Variants in HECW1 observed in about 807,000 individuals in gnomAD.
HECW1 encodes the protein E3 ubiquitin-protein ligase HECW1.
A neutral mutation model predicts 182.3 loss-of-function variants in HECW1; 61 were observed. The ratio of observed to expected loss-of-function variants is 0.33; its 90% confidence interval spans 0.27 to 0.41. The LOEUF is 0.41. Among genes scored for constraint, HECW1 ranks in the 10% least tolerant of loss-of-function variants. The pLI, the probability that HECW1 is intolerant of heterozygous loss-of-function variation, is 1.00. For synonymous variants in HECW1, 859 were observed against 832.6 expected (o/e 1.03, Z -0.55); for missense variants, 1,739 against 2,108.9 (o/e 0.82, Z 3.44).
intron 3 of HECW1, among the ~76,000 whole-genome samples, chr7:43,268,787 T>TG (rs1402431563): frequency 6.6e-6 from 1 of 152,152 alleles, no homozygotes; most frequent in African/African-American, 2.4e-5. Context: ...TTTGTTTGTT[T>TG]TTTTAACAAG....
intron 2 of HECW1, among the ~76,000 whole-genome samples, chr7:43,132,939 A>G (rs1303723815): frequency 6.6e-6 from 1 of 152,150 alleles, no homozygotes; most frequent in Non-Finnish European, 1.5e-5. Flanking sequence ...TTAGTTTTTC[A>G]TTATTAAATA....
At chr7:43,350,091 G>A (rs1004601677) in intron 5 of HECW1, among the ~76,000 whole-genome samples, 6 of 152,170 alleles carry the variant, frequency 3.9e-5, no homozygotes, top group African/African-American at 1.4e-4. Flanking sequence ...TTGTTTGTCT[G>A]AAAGAGACTA....
intron 2 of HECW1, among the ~76,000 whole-genome samples, chr7:43,167,287 C>T (rs1336058613): frequency 2.6e-5 from 4 of 152,128 alleles, no homozygotes; most frequent in Non-Finnish European, 5.9e-5. Context: ...CACATGGCCT[C>T]CTTCCCCTAT....
chr7:43,332,615 C>T (rs930934206), intron 5 of HECW1, among the ~76,000 whole-genome samples: 7 of 152,218 alleles, frequency 4.6e-5, no homozygotes, highest in African/African-American at 1.7e-4. Context: ...ATTACACAGA[C>T]AGACACAGCA....
intron 8 of HECW1, among the ~76,000 whole-genome samples, chr7:43,422,886 T>A (rs1471557334): frequency 6.6e-6 from 1 of 151,404 alleles, no homozygotes; most frequent in East Asian, 2.0e-4. Context: ...TCGCAGTGCC[T>A]GGCCGAGAGT....
rs953409390 is a variant in HECW1, at chr7:43,181,429, A to G, written c.-31-62446A>G. Among the ~76,000 whole-genome samples, 3 of 150,958 alleles carry G rather than the reference A, an allele frequency of 2.0e-5. 1 individual carries two copies. The highest frequency in any genetic ancestry group is 7.5e-5 in the African/African-American group (3 of 40,224). ...TTGAGGAACCTCAACACTGTTTTCC[A>G]TAATGGCTGTACAAATTTACACTTC... On this transcript the variant is annotated intron_variant, in intron 2 of 29. Coordinates refer to ENST00000395891, the MANE Select transcript of HECW1 (RefSeq NM_015052.5).
At chr7:43,191,946 C>T (rs980335245) in intron 2 of HECW1, among the ~76,000 whole-genome samples, 1 of 150,728 alleles carries the variant, frequency 6.6e-6, no homozygotes, top group African/African-American at 2.4e-5. Context: ...AGAAATAAGA[C>T]CTAGTTGTTG....
intron 24 of HECW1, among the ~76,000 whole-genome samples, chr7:43,534,098 C>G (rs750973290): frequency 6.6e-6 from 1 of 152,206 alleles, no homozygotes; most frequent in Non-Finnish European, 1.5e-5. Context: ...GGGTGCTGCA[C>G]TGAGGGTTTC....
intron 7 of HECW1, among the ~76,000 whole-genome samples, chr7:43,403,787 G>A (rs1562938205): frequency 6.6e-6 from 1 of 152,194 alleles, no homozygotes; most frequent in African/African-American, 2.4e-5. Context: ...AATAAGGTTT[G>A]GCAAAGGTTG....
At chr7:43,504,583 C>T (rs2079502959) in intron 21 of HECW1, among the ~76,000 whole-genome samples, 1 of 152,258 alleles carries the variant, frequency 6.6e-6, no homozygotes, top group African/African-American at 2.4e-5. Flanking sequence ...CCCACTTCTG[C>T]AATCAGGCAC....
intron 9 of HECW1, 127 bp from the exon 10 acceptor site, chr7:43,442,402 T>G (rs2076916501): frequency 1.6e-6 from 1 of 643,268 alleles, no homozygotes; most frequent in Non-Finnish European, 2.9e-6. Flanking sequence ...CAGTTTTGTA[T>G]TGCTGTTGAG....
chr7:43,501,423 G>A (rs1035739866), intron 21 of HECW1, 101 bp downstream of exon 21: 11 of 640,646 alleles, frequency 1.7e-5, no homozygotes, highest in African/African-American at 3.7e-5. Flanking sequence ...TCTTTCTCTC[G>A]GCCTTCCCAA....
At chr7:43,260,169 G>T (rs892129667) in intron 3 of HECW1, among the ~76,000 whole-genome samples, 19 of 152,206 alleles carry the variant, frequency 1.2e-4, no homozygotes, top group African/African-American at 4.1e-4. Flanking sequence ...GGCATCCCCA[G>T]TTGAGAAAGA....
intron 6 of HECW1, among the ~76,000 whole-genome samples, chr7:43,366,304 A>G (rs1176067927): frequency 5.3e-5 from 8 of 152,156 alleles, no homozygotes; most frequent in Non-Finnish European, 1.0e-4. Flanking sequence ...TTCCTCCTCC[A>G]CATCAGTCTG....
intron 2 of HECW1, among the ~76,000 whole-genome samples, chr7:43,201,178 T>C (rs966461287): frequency 6.6e-6 from 1 of 152,198 alleles, no homozygotes; most frequent in African/African-American, 2.4e-5. Context: ...CATCAAAATG[T>C]CCCTTGACTG....
chr7:43,552,170 T>C, intron 27 of HECW1, 52 bp from the exon 28 acceptor site: 1 of 1,067,284 alleles, frequency 9.4e-7, no homozygotes, highest in Non-Finnish European at 1.5e-6. Context: ...ATAATGAACA[T>C]AGCCTTTCCA....
intron 16 of HECW1, among the ~76,000 whole-genome samples, chr7:43,470,070 G>C (rs1026452092): frequency 4.6e-5 from 7 of 152,212 alleles, no homozygotes; most frequent in African/African-American, 1.7e-4. Flanking sequence ...TCCAGGACCA[G>C]CTCCTCTGTA....
chr7:43,199,603 GA>G (rs1269899144), intron 2 of HECW1, among the ~76,000 whole-genome samples: 1 of 151,984 alleles, frequency 6.6e-6, no homozygotes, highest in African/African-American at 2.4e-5. Flanking sequence ...GTGGGAATTA[GA>G]TTTTTTTAAT....
rs1396561125 is a variant in HECW1, at chr7:43,444,959, A to T, written c.1787A>T (p.Glu596Val). ...EEESTLKDSS[E>V]KDGLSEVDTV... ...GAGTCCACCCTCAAGGACTCCTCGGAGAAGGATGGGCTCAGCGAGGTGGAC... is the reference window on the plus strand; with the variant it reads ...GAGTCCACCCTCAAGGACTCCTCGGTGAAGGATGGGCTCAGCGAGGTGGAC... Residue 596 changes from glutamate (E) to valine (V), a missense_variant, in exon 11 of 30, where the codon GAG becomes GTG. Coordinates refer to ENST00000395891, the MANE Select transcript of HECW1 (RefSeq NM_015052.5). This position sits in a 1 kb window ranked among gnomAD's most constrained non-coding sequence, Gnocchi z 4.3. 6.4e-7 allele frequency: 1 copy of T among 1,573,478 alleles called. No individual in the cohort carries two copies. The highest frequency in any genetic ancestry group is 8.6e-7 in the Non-Finnish European group (1 of 1,158,470).
Sources: gnomAD v4.1 joint callset for allele counts (sites outside exome capture counted in the v4.1 genomes callset) on GRCh38, gnomAD v4.1.1 for gene constraint, Gnocchi (gnomAD v3.1) non-coding constraint, MANE v1.5 for transcripts, NCBI Gene and HGNC (gene_info 2026-07-23, HGNC 2026-07-21) for gene names.